MDGA2: variants seen among roughly 807,000 people sequenced by gnomAD.
MDGA2 encodes the protein MAM domain containing glycosylphosphatidylinositol anchor 2.
A neutral mutation model predicts 117.8 loss-of-function variants in MDGA2; 40 were observed. The ratio of observed to expected loss-of-function variants is 0.34; its 90% CI spans 0.26 to 0.44. The LOEUF is 0.44. Ranked by LOEUF, MDGA2 falls within the 20% of genes least tolerant of loss-of-function variation. The probability of loss-of-function intolerance (pLI) is 1.00; values close to 1 mark genes in which losing one functional copy is unlikely to be tolerated. For synonymous variants in MDGA2, 452 were observed against 439.0 expected, an observed-to-expected ratio of 1.03 and a Z score of -0.37; for missense variants, 1,123 against 1,250.6, an observed-to-expected ratio of 0.90 and a Z score of 1.54.
intron 8 of MDGA2, among the ~76,000 whole-genome samples, chr14:46,961,229 T>G (rs897961911): frequency 6.6e-6 from 1 of 152,192 alleles, no homozygotes; most frequent in Non-Finnish European, 1.5e-5. Context: ...TTGGGCTTCT[T>G]AGATCTGTTA....
chr14:47,007,608 C>T (rs1250452438), intron 8 of MDGA2, among the ~76,000 whole-genome samples: 2 of 151,844 alleles, frequency 1.3e-5, no homozygotes, highest in African/African-American at 2.4e-5. Context: ...TAAAACTTTA[C>T]GTAGCCTGTT....
chr14:47,219,435 A>G (rs1594732548), intron 2 of MDGA2, among the ~76,000 whole-genome samples: 1 of 152,056 alleles, frequency 6.6e-6, no homozygotes, highest in East Asian at 1.9e-4. Flanking sequence ...TTCTATATAT[A>G]TGGAATACAC....
intron 3 of MDGA2, among the ~76,000 whole-genome samples, chr14:47,216,078 T>C (rs140480072): frequency 8.8e-4 from 134 of 152,130 alleles, no homozygotes; most frequent in Non-Finnish European, 1.5e-3. Context: ...AATGAGATAC[T>C]CAGGCACAAC....
intron 1 of MDGA2, among the ~76,000 whole-genome samples, chr14:47,362,721 G>A (rs958256189): frequency 8.5e-5 from 13 of 152,074 alleles, no homozygotes; most frequent in African/African-American, 2.9e-4. Flanking sequence ...ATTTGGCTAT[G>A]TTTTTATCAG....
At position 46,994,800 on chromosome 14, in the gene MDGA2, G is replaced by A. The variant is rs566511705; in HGVS notation, c.1820-37157C>T. Among the ~76,000 whole-genome samples, 3 of 152,178 alleles carry A rather than the reference G, an allele frequency of 2.0e-5. No individual in the cohort carries two copies. The South Asian group carries it at 6.2e-4, about 32-fold the overall frequency. ...GAAAATATTAAATCATTAATTGTTT[G>A]TCTTGATGAAAAGGTAATAACATAG... On this transcript the variant is annotated intron_variant, in intron 8 of 16. Transcript: ENST00000399232.
At chr14:47,364,030 A>G (rs893397909) in intron 1 of MDGA2, among the ~76,000 whole-genome samples, 1 of 151,884 alleles carries the variant, frequency 6.6e-6, no homozygotes, top group Non-Finnish European at 1.5e-5. Context: ...GTGTTAAAGG[A>G]CAAAAATAAA....
chr14:46,906,972 C>CTTTTTTT (rs372756942), intron 10 of MDGA2, among the ~76,000 whole-genome samples: 77 of 99,560 alleles, frequency 7.7e-4, no homozygotes, highest in Non-Finnish European at 1.0e-3. Flanking sequence ...TTACCTTTTT[C>CTTTTTTT]TTTTTTTTTT....
intron 2 of MDGA2, among the ~76,000 whole-genome samples, chr14:47,287,449 T>G (rs543629380): frequency 2.4e-4 from 37 of 152,288 alleles, no homozygotes; most frequent in African/African-American, 8.2e-4. Flanking sequence ...TATATATTTA[T>G]GGTGTACAAT....
intron 3 of MDGA2, among the ~76,000 whole-genome samples, chr14:47,179,972 C>A (rs1050056876): frequency 6.4e-4 from 97 of 151,896 alleles, no homozygotes; most frequent in African/African-American, 2.1e-3. Flanking sequence ...TTAATGTGTT[C>A]TAATAAATTT....
intron 1 of MDGA2, among the ~76,000 whole-genome samples, chr14:47,408,993 C>A (rs915402660): frequency 2.0e-5 from 3 of 152,162 alleles, no homozygotes; most frequent in Non-Finnish European, 2.9e-5. Context: ...GGCAGACAGG[C>A]ATCTCTGAAG....
chr14:47,096,905 T>C lies in MDGA2; in HGVS notation c.1144A>G (p.Asn382Asp). 1 of 1,613,290 alleles carries C rather than the reference T, an allele frequency of 6.2e-7. No homozygotes were observed. The highest frequency in any genetic ancestry group is 8.5e-7 in the Non-Finnish European group (1 of 1,179,434). Residue 382 changes from asparagine (N) to aspartate (D), a missense_variant, in exon 6 of 17, where the codon AAT becomes GAT. Physicochemically the swap from Asn to Asp is conservative, Grantham distance 23. Around this residue, in one of 2 missense-constraint regions of MDGA2, gnomAD observed 890 missense variants for 1,050.3 expected, o/e 0.85. Coordinates refer to ENST00000399232, the MANE Select transcript of MDGA2 (RefSeq NM_001113498.3). ...TTTGCAGGGTTTCCCACATTATTAT[T>C]GGCAATGCAGCTGTAAGTACCAGCA... ...DDAGTYSCIA[N>D]NNVGNPAKKS...
intron 2 of MDGA2, among the ~76,000 whole-genome samples, chr14:47,231,246 C>A (rs1432541874): frequency 6.6e-6 from 1 of 151,914 alleles, no homozygotes; most frequent in African/African-American, 2.4e-5. Flanking sequence ...CTTATTCGGC[C>A]AAATTATTTA....
chr14:47,597,501 G>A (rs1334102795), intron 1 of MDGA2, among the ~76,000 whole-genome samples: 1 of 151,010 alleles, frequency 6.6e-6, no homozygotes, highest in Admixed American at 6.6e-5. Context: ...TAGCCCCGGG[G>A]GTGTCATGGA....
At chr14:47,604,347 T>C (rs1048620208) in intron 1 of MDGA2, among the ~76,000 whole-genome samples, 7 of 151,984 alleles carry the variant, frequency 4.6e-5, no homozygotes, top group African/African-American at 1.7e-4. Flanking sequence ...GATGGGGTCT[T>C]GCTCTGTCAC....
intron 1 of MDGA2, among the ~76,000 whole-genome samples, chr14:47,387,748 A>G (rs975511047): frequency 1.3e-5 from 2 of 152,150 alleles, no homozygotes; most frequent in African/African-American, 4.8e-5. Context: ...TACTTAACTG[A>G]CATACTCTAG....
intron 7 of MDGA2, among the ~76,000 whole-genome samples, chr14:47,039,532 G>C (rs1050829797): frequency 6.6e-6 from 1 of 152,084 alleles, no homozygotes; most frequent in Non-Finnish European, 1.5e-5. Flanking sequence ...ATTCTTCCAG[G>C]CTTCCTGCTG....
intron 1 of MDGA2, among the ~76,000 whole-genome samples, chr14:47,465,938 C>A (rs1426992022): frequency 6.6e-6 from 1 of 152,022 alleles, no homozygotes; most frequent in Non-Finnish European, 1.5e-5. Flanking sequence ...GAATGCTCAT[C>A]AATGACAGAT....
intron 1 of MDGA2, among the ~76,000 whole-genome samples, chr14:47,519,669 A>G (rs896946454): frequency 6.6e-6 from 1 of 152,128 alleles, no homozygotes; most frequent in Non-Finnish European, 1.5e-5. Flanking sequence ...CTCCCTAATT[A>G]CTTTCCAAGT....
intron 1 of MDGA2, among the ~76,000 whole-genome samples, chr14:47,498,562 C>G (rs1057493498): frequency 1.3e-5 from 2 of 152,058 alleles, no homozygotes; most frequent in African/African-American, 2.4e-5. Context: ...AGAAATCATA[C>G]TTTTGAGTGA....
Sources: gnomAD v4.1 joint callset for allele counts (sites outside exome capture counted in the v4.1 genomes callset) on GRCh38, gnomAD v4.1.1 for gene constraint, gnomAD v4.1.1 regional missense constraint, MANE v1.5 for transcripts, NCBI Gene and HGNC (gene_info 2026-07-23, HGNC 2026-07-21) for gene names.